Variants in RYR3 observed in about 807,000 individuals in gnomAD.
RYR3 encodes the protein ryanodine receptor 3, also known as brain ryanodine receptor-calcium release channel.
Under a neutral mutation model 584.3 loss-of-function variants are expected in RYR3, and 207 were observed. That is an observed-to-expected ratio of 0.35 (90% CI 0.32 to 0.40). The LOEUF is 0.40. Among genes scored for constraint, RYR3 ranks in the 10% least tolerant of loss-of-function variants. RYR3 has a pLI of 1.00. For missense variants in RYR3, 5,616 were observed against 6,089.2 expected (o/e 0.92, Z 2.59); for synonymous variants, 2,416 against 2,248.5 (o/e 1.07, Z -2.11).
chr15:33,685,965 C>A (rs2064979813), intron 38 of RYR3, among the ~76,000 whole-genome samples: 2 of 152,168 alleles, frequency 1.3e-5, no homozygotes, highest in African/African-American at 4.8e-5. Flanking sequence ...AAATTTATAG[C>A]ACTAAATGCC....
At chr15:33,730,417 C>T (rs989433633) in intron 47 of RYR3, among the ~76,000 whole-genome samples, 1 of 152,172 alleles carries the variant, frequency 6.6e-6, no homozygotes, top group Non-Finnish European at 1.5e-5. Flanking sequence ...GAAATCAAAG[C>T]TCTGTCCTTT....
At chr15:33,842,781 G>A (rs942847029) in intron 91 of RYR3, among the ~76,000 whole-genome samples, 1 of 152,186 alleles carries the variant, frequency 6.6e-6, no homozygotes, top group Non-Finnish European at 1.5e-5. Context: ...GGTCTTCTGC[G>A]AGCCTAGACC....
chr15:33,674,008 T>G (rs546677841), intron 38 of RYR3, among the ~76,000 whole-genome samples: 1 of 152,318 alleles, frequency 6.6e-6, no homozygotes, highest in East Asian at 1.9e-4. Flanking sequence ...ACTCTTGGCC[T>G]TGAATAGTGC....
At chr15:33,650,493 G>A (rs778625686) in intron 31 of RYR3, among the ~76,000 whole-genome samples, 18 of 152,214 alleles carry the variant, frequency 1.2e-4, no homozygotes, top group African/African-American at 4.3e-4. Flanking sequence ...CTTATCTAAA[G>A]ATGAGGATAA....
At chr15:33,490,182 A>G (rs2050848199) in intron 2 of RYR3, among the ~76,000 whole-genome samples, 1 of 152,210 alleles carries the variant, frequency 6.6e-6, no homozygotes, top group Non-Finnish European at 1.5e-5. Context: ...TGCTTTCTCT[A>G]TAAGAATGTC....
intron 10 of RYR3, among the ~76,000 whole-genome samples, chr15:33,562,466 G>A (rs955337685): frequency 6.6e-6 from 1 of 152,170 alleles, no homozygotes; most frequent in Non-Finnish European, 1.5e-5. Flanking sequence ...GATGTCACTC[G>A]CTGGAAATAA....
At chr15:33,673,614 A>T (rs2063980108) in intron 38 of RYR3, among the ~76,000 whole-genome samples, 1 of 152,220 alleles carries the variant, frequency 6.6e-6, no homozygotes, top group Non-Finnish European at 1.5e-5. Context: ...GCTGCAGTTT[A>T]AGCAGCATTT....
At chr15:33,378,976 A>G (rs1029873477) in intron 1 of RYR3, among the ~76,000 whole-genome samples, 1 of 152,114 alleles carries the variant, frequency 6.6e-6, no homozygotes, top group South Asian at 2.1e-4. Flanking sequence ...AAAAAAAAAA[A>G]GTGTGTTTTA....
chr15:33,641,130 A>T (rs2152663137), intron 27 of RYR3, among the ~76,000 whole-genome samples: 1 of 152,334 alleles, frequency 6.6e-6, no homozygotes, highest in Non-Finnish European at 1.5e-5. Flanking sequence ...ACTCCCTGAC[A>T]CGTTGGAAAA....
chr15:33,357,373 A>G (rs1406916699), intron 1 of RYR3, among the ~76,000 whole-genome samples: 1 of 152,226 alleles, frequency 6.6e-6, no homozygotes, highest in Non-Finnish European at 1.5e-5. Context: ...GAGTCCCGGT[A>G]GGTGAGGGCA....
At chr15:33,828,077 C>T (rs2077471980) in intron 85 of RYR3, among the ~76,000 whole-genome samples, 1 of 152,234 alleles carries the variant, frequency 6.6e-6, no homozygotes, top group Admixed American at 6.5e-5. Flanking sequence ...TGATGATTCT[C>T]ACAATATTTC....
chr15:33,646,494 C>G lies in RYR3; in HGVS notation c.3909C>G (p.Ser1303Arg), dbSNP rs1319069809. Residue 1303 changes from serine to arginine, a missense_variant, in exon 29 of 104, where the codon AGC becomes AGG. Transcript: ENST00000634891. ...PVECHSSFSH[S>R]PCLDSEAFQK... is the part of the protein sequence containing the mutation. ...AGTGCCACTCCTCCTTCAGCCACAG[C>G]CCCTGTCTGGACAGTGAAGCTTTCC... 6.2e-7 allele frequency: 1 copy of G among 1,613,604 alleles called. No homozygotes were observed. Among genetic ancestry groups the G allele is most frequent in the East Asian group, 2.2e-5 (1 of 44,880 alleles).
chr15:33,731,173 A>G (rs1003443265), intron 47 of RYR3, among the ~76,000 whole-genome samples: 8 of 152,096 alleles, frequency 5.3e-5, no homozygotes, highest in Admixed American at 4.6e-4. Context: ...AATGAGTTCA[A>G]AATTCTTTTG....
chr15:33,411,896 T>C (rs1450743664), intron 1 of RYR3, among the ~76,000 whole-genome samples: 2 of 152,216 alleles, frequency 1.3e-5, no homozygotes, highest in Non-Finnish European at 2.9e-5. Context: ...GGGTCTAGCC[T>C]ATCTTTCCTG....
At chr15:33,549,391 G>A (rs535767157) in intron 9 of RYR3, among the ~76,000 whole-genome samples, 11 of 152,330 alleles carry the variant, frequency 7.2e-5, no homozygotes, top group Non-Finnish European at 1.2e-4. Context: ...AAAGTGGAGA[G>A]TGGTTTCAAA....
intron 1 of RYR3, among the ~76,000 whole-genome samples, chr15:33,467,883 T>C (rs2048612125): frequency 6.6e-6 from 1 of 152,220 alleles, no homozygotes; most frequent in Non-Finnish European, 1.5e-5. Flanking sequence ...GCTGCTCTCT[T>C]TGGCCTTGTG....
At position 33,827,183 on chromosome 15, in the gene RYR3, G is replaced by A; in HGVS notation, c.11246-16G>A. On this transcript the variant is annotated splice_polypyrimidine_tract_variant and intron_variant, in intron 84 of 103. Transcript: ENST00000634891. The stretch of plus-strand genomic sequence containing the variant: ...CATGGCAGGGACAAGCTCTGACCCA[G>A]CACTGGTGCTCTCAGACTTTCAGAA... 1 of 1,550,764 alleles carries A rather than the reference G, an allele frequency of 6.4e-7. No individual in the cohort carries two copies. The highest frequency in any genetic ancestry group is 8.7e-7 in the Non-Finnish European group (1 of 1,146,094).
intron 86 of RYR3, among the ~76,000 whole-genome samples, chr15:33,834,172 T>C (rs1290455104): frequency 6.6e-6 from 1 of 152,076 alleles, no homozygotes; most frequent in African/African-American, 2.4e-5. Flanking sequence ...TAATCTCAGC[T>C]ACTTGGGAGG....
chr15:33,848,557 C>G, intron 94 of RYR3, 136 bp downstream of exon 94: 1 of 917,968 alleles, frequency 1.1e-6, no homozygotes, highest in Non-Finnish European at 1.6e-6. Flanking sequence ...CTTGCCTCTT[C>G]AATAAAGCCA....
Sources: gnomAD v4.1 joint callset for allele counts (sites outside exome capture counted in the v4.1 genomes callset) on GRCh38, gnomAD v4.1.1 for gene constraint, MANE v1.5 for transcripts, NCBI Gene and HGNC (gene_info 2026-07-23, HGNC 2026-07-21) for gene names.